MYO16: variants seen among roughly 807,000 people sequenced by gnomAD.
MYO16 encodes myosin XVI.
Under a neutral mutation model 205.3 loss-of-function variants are expected in MYO16, and 94 were observed. The ratio of observed to expected loss-of-function variants is 0.46; its 90% CI spans 0.39 to 0.54. The LOEUF is 0.54. Among genes scored for constraint, MYO16 ranks in the 20% least tolerant of loss-of-function variants. The pLI, the probability that MYO16 is intolerant of heterozygous loss-of-function variation, is 0.00. For missense variants in MYO16, 2,315 were observed against 2,387.5 expected (o/e 0.97, Z 0.63); for synonymous variants, 988 against 954.0 (o/e 1.04, Z -0.66).
At chr13:108,497,559 A>C in the MYO16 span, among the ~76,000 whole-genome samples, 1 of 152,328 alleles carries the variant, frequency 6.6e-6, no homozygotes, top group African/African-American at 2.4e-5. Flanking sequence ...TATTTACTGA[A>C]GGAAAAATGT....
chr13:109,121,831 C>T (rs888886609), intron 29 of MYO16, among the ~76,000 whole-genome samples: 1 of 152,252 alleles, frequency 6.6e-6, no homozygotes, highest in Non-Finnish European at 1.5e-5. Flanking sequence ...AGAGGGCCAA[C>T]TGCTACCTCT....
chr13:108,712,812 T>A lies in MYO16; in HGVS notation c.363+81T>A, dbSNP rs982896221. On this transcript the variant is annotated intron_variant, in intron 3 of 34. Coordinates refer to ENST00000457511, the MANE Select transcript of MYO16 (RefSeq NM_001198950.3). ...TACAGGTTCAAACCCAGGAACGAAA[T>A]GTACATCTCACAGATGATGATCAGA... 10 of 1,028,166 alleles carry A rather than the reference T, an allele frequency of 9.7e-6. No homozygotes were observed. The Middle Eastern group carries it at 8.6e-4, about 88-fold the overall frequency. The allele number at this position is 1,028,166 out of a possible 1,614,324, so 63.7% of individuals were successfully genotyped here. A position where few individuals can be genotyped will look rare whatever the true frequency, so the allele number is the denominator to read the frequency against.
chr13:108,680,572 G>A (rs1410481179), intron 2 of MYO16, among the ~76,000 whole-genome samples: 3 of 152,174 alleles, frequency 2.0e-5, no homozygotes, highest in Non-Finnish European at 2.9e-5. Context: ...TTAGCTCTAT[G>A]AGCACAATCA....
intron 1 of MYO16, among the ~76,000 whole-genome samples, chr13:108,609,627 G>A (rs1246524909): frequency 6.6e-6 from 1 of 152,168 alleles, no homozygotes; most frequent in East Asian, 1.9e-4. Context: ...GCATTTGATA[G>A]CGTGGAAATT....
chr13:108,521,135 A>C, the MYO16 span, among the ~76,000 whole-genome samples: 1 of 152,230 alleles, frequency 6.6e-6, no homozygotes, highest in Non-Finnish European at 1.5e-5. Flanking sequence ...CACAAGCTAT[A>C]TTCTCCAACC....
intron 16 of MYO16, among the ~76,000 whole-genome samples, chr13:108,927,405 G>A (rs1262256612): frequency 1.3e-5 from 2 of 152,006 alleles, no homozygotes; most frequent in South Asian, 4.1e-4. Context: ...GGTATAATGG[G>A]CCTGGGGCAT....
chr13:109,112,518 G>A (rs967793507), intron 28 of MYO16, among the ~76,000 whole-genome samples: 1 of 152,128 alleles, frequency 6.6e-6, no homozygotes, highest in Non-Finnish European at 1.5e-5. Flanking sequence ...CACTTTGGGA[G>A]GCCGAGGCAG....
intron 27 of MYO16, among the ~76,000 whole-genome samples, chr13:109,096,567 T>G (rs1356061429): frequency 6.6e-6 from 1 of 152,208 alleles, no homozygotes; most frequent in Non-Finnish European, 1.5e-5. Context: ...CAGGCCTGTG[T>G]CTGTGAGGAG....
At chr13:109,146,085 T>C (rs1877316138) in intron 32 of MYO16, among the ~76,000 whole-genome samples, 1 of 152,238 alleles carries the variant, frequency 6.6e-6, no homozygotes, top group Non-Finnish European at 1.5e-5. Flanking sequence ...GGCTATTAAA[T>C]AGTTGTTTGA....
At chr13:109,057,892 T>A (rs1324191233) in intron 27 of MYO16, among the ~76,000 whole-genome samples, 2 of 152,062 alleles carry the variant, frequency 1.3e-5, no homozygotes, top group African/African-American at 2.4e-5. Context: ...GGCTGAGGTC[T>A]CAGGAAGTGA....
intron 21 of MYO16, among the ~76,000 whole-genome samples, chr13:109,007,387 CAAAAAAAAAGAAA>C (rs952198850): frequency 8.2e-6 from 1 of 122,212 alleles, no homozygotes; most frequent in Admixed American, 8.7e-5. Flanking sequence ...GACTCCGTCT[CAAAAAAAAAGAAA>C]AAAAAAAAAG....
intron 28 of MYO16, among the ~76,000 whole-genome samples, chr13:109,112,554 G>A (rs764892801): frequency 1.3e-5 from 2 of 152,074 alleles, no homozygotes; most frequent in Non-Finnish European, 2.9e-5. Context: ...TCAGGAGTTC[G>A]AGACCAGCCT....
At chr13:108,763,789 G>T (rs1342590240) in intron 4 of MYO16, among the ~76,000 whole-genome samples, 1 of 68,952 alleles carries the variant, frequency 1.5e-5, no homozygotes, top group African/African-American at 6.7e-5. Flanking sequence ...AAAAGGAGTT[G>T]TGTGTGTGTG....
chr13:108,873,600 T>C (rs1202465467), intron 12 of MYO16, among the ~76,000 whole-genome samples: 1 of 151,312 alleles, frequency 6.6e-6, no homozygotes, highest in East Asian at 2.0e-4. Context: ...CGGGACAGGG[T>C]CCATGCCAAC....
At chr13:108,776,113 A>AT (rs1426095831) in intron 4 of MYO16, among the ~76,000 whole-genome samples, 1 of 152,222 alleles carries the variant, frequency 6.6e-6, no homozygotes, top group Non-Finnish European at 1.5e-5. Context: ...TCCCCTTTGT[A>AT]TCAAGGTGTT....
At chr13:108,887,875 T>C (rs1184098615) in intron 13 of MYO16, among the ~76,000 whole-genome samples, 1 of 151,940 alleles carries the variant, frequency 6.6e-6, no homozygotes, top group Non-Finnish European at 1.5e-5. Context: ...GTAACGTCTC[T>C]CCTGTAAGGC....
At chr13:109,064,767 G>T (rs1394154082) in intron 27 of MYO16, among the ~76,000 whole-genome samples, 1 of 152,142 alleles carries the variant, frequency 6.6e-6, no homozygotes. Flanking sequence ...TATCCCATTG[G>T]TTAAAACCAG....
intron 2 of MYO16, among the ~76,000 whole-genome samples, chr13:108,705,163 C>T (rs993684653): frequency 3.9e-5 from 6 of 152,154 alleles, no homozygotes; most frequent in African/African-American, 1.2e-4. Context: ...CATAGTGAAA[C>T]CCTGTGCCAT....
chr13:108,821,353 A>C (rs1209395293), intron 8 of MYO16, among the ~76,000 whole-genome samples: 2 of 152,184 alleles, frequency 1.3e-5, no homozygotes, highest in Non-Finnish European at 2.9e-5. Flanking sequence ...TCTCTGTTAA[A>C]CTGAATATTT....
Sources: gnomAD v4.1 joint callset for allele counts (sites outside exome capture counted in the v4.1 genomes callset) on GRCh38, gnomAD v4.1.1 for gene constraint, MANE v1.5 for transcripts, NCBI Gene and HGNC (gene_info 2026-07-23, HGNC 2026-07-21) for gene names.